LRCH3: variants seen among roughly 807,000 people sequenced by gnomAD.
LRCH3 encodes the protein leucine rich repeats and calponin homology domain containing 3.
LRCH3 carries 68 observed loss-of-function variants against 104.5 expected under a neutral mutation model. That is an observed-to-expected ratio of 0.65 (90% CI 0.54 to 0.80). The LOEUF (loss-of-function observed/expected upper bound fraction) is 0.80, where lower values mean the gene tolerates loss of function less well. LRCH3 is among the 30% of genes least tolerant of loss of function. The pLI is 0.00. For synonymous variants in LRCH3, 344 were observed against 361.3 expected (o/e 0.95, Z 0.54); for missense variants, 951 against 953.9 (o/e 1.00, Z 0.04).
Position 197,886,666 on chromosome 3 carries a change from G to C in LRCH3, c.*3000G>C, listed in dbSNP as rs1173488643. 1 of 152,050 alleles carries C rather than the reference G, an allele frequency of 6.6e-6. No homozygotes were observed. Among genetic ancestry groups the C allele is most frequent in the African/African-American group, 2.4e-5 (1 of 41,398 alleles). 9.4% of individuals were successfully genotyped at this position (152,050 alleles called of 1,614,324 possible). ...CTAAAAATACAAAAATTAGCTGGGC[G>C]TGGTGGTGGGCACCTGTAATCCCAG... On this transcript the variant is annotated 3_prime_UTR_variant, in exon 21 of 21. Transcript: ENST00000425562.
chr3:197,874,792 G>A (rs959768658), intron 19 of LRCH3, among the ~76,000 whole-genome samples: 3 of 152,202 alleles, frequency 2.0e-5, no homozygotes, highest in African/African-American at 7.2e-5. Flanking sequence ...AGTGTGGGGT[G>A]ACAAAGTACT....
At chr3:197,823,517 C>A in intron 4 of LRCH3, 1 of 151,976 alleles carries the variant, frequency 6.6e-6, no homozygotes, top group South Asian at 2.1e-4. Context: ...GAGATAGGGT[C>A]TCACTCTGTT....
intron 1 of LRCH3, 46 bp downstream of exon 1, chr3:197,791,586 G>C (rs755286230): frequency 2.7e-6 from 4 of 1,488,762 alleles, no homozygotes; most frequent in Non-Finnish European, 1.8e-6. Context: ...ACCCGGCGCC[G>C]GGAGCCGCCC....
chr3:197,882,810 T>C, intron 20 of LRCH3: 22 of 985,424 alleles, frequency 2.2e-5, no homozygotes, highest in Non-Finnish European at 2.5e-5. Flanking sequence ...AATCAACATG[T>C]TCCTGCCTAA....
In LRCH3 at chr3:197,826,912, C is replaced by G. The variant is rs1376402441; in HGVS notation, c.675C>G (p.Phe225Leu). ...AGTTGCCTTTGATACGGTTAGACTTCTCATGCAATAAAATTACCACAATCC... is the reference window on the plus strand; with the variant it reads ...AGTTGCCTTTGATACGGTTAGACTTGTCATGCAATAAAATTACCACAATCC... ...LAELPLIRLD[F>L]SCNKITTIPV... The change falls in exon 5 of 21, where the codon TTC becomes TTG. Residue 225 changes from phenylalanine (F) to leucine (L), a missense_variant. Physicochemically the swap from Phe to Leu is conservative, Grantham distance 22 (BLOSUM62 0). Coordinates refer to ENST00000425562, the MANE Select transcript of LRCH3 (RefSeq NM_001365715.1). The G allele has an allele frequency of 6.2e-7, 1 of 1,614,112 alleles. No individual in the cohort carries two copies.
At position 197,847,911 on chromosome 3, in the gene LRCH3, C is replaced by G. The variant is rs897983914; in HGVS notation, c.1420C>G (p.Gln474Glu). The G allele has an allele frequency of 1.9e-6, 3 of 1,613,998 alleles. No individual in the cohort carries two copies. The highest frequency in any genetic ancestry group is 2.5e-6 in the Non-Finnish European group (3 of 1,179,964). The stretch of plus-strand genomic sequence containing the variant: ...CCTGGAACTTCATCAGAGAAGGGAG[C>G]AGTTAGTAGAGCGCACTCGGAGAGA... ...TDLELHQRREQLVERTRREAQ... is the reference protein window; with the variant it reads ...TDLELHQRREELVERTRREAQ... The change falls in exon 12 of 21, where the codon CAG becomes GAG. Residue 474 changes from glutamine (Q) to glutamate (E), a missense_variant. Gln to Glu is a conservative substitution (Grantham distance 29, BLOSUM62 2). Coordinates refer to ENST00000425562, the MANE Select transcript of LRCH3 (RefSeq NM_001365715.1).
rs553009952 is a variant in LRCH3 at position 197,817,628 on chromosome 3, A to C, written c.534+326A>C. On this transcript the variant is annotated intron_variant, in intron 3 of 20. Coordinates refer to ENST00000425562, the MANE Select transcript of LRCH3 (RefSeq NM_001365715.1). ...ATATTAAATGATTTCTGTGTCATTA[A>C]ATTTTTGAGATATGTTAATATAATT... Among the ~76,000 whole-genome samples, 79 of 151,794 alleles carry C rather than the reference A, an allele frequency of 5.2e-4. 1 individual carries two copies. The highest frequency in any genetic ancestry group is 9.9e-4 in the Non-Finnish European group (67 of 67,942).
In LRCH3 at chr3:197,812,504, G is replaced by GTTTTTTTTTTTTTTTTTT. The variant is rs71623380; in HGVS notation, c.263-2395_263-2378dup. On this transcript the variant is annotated intron_variant, in intron 1 of 20. Coordinates refer to ENST00000425562, the MANE Select transcript of LRCH3 (RefSeq NM_001365715.1). ...ATATCTGTTCAAGTCTCTGCTTTCA[G>GTTTTTTTTTTTTTTTTTT]TTTTTTTTTTTTTTTTTTTTTTTTT... 7.1e-3 allele frequency among the ~76,000 whole-genome samples: 350 copies of GTTTTTTTTTTTTTTTTTT among 48,972 alleles called. 142 individuals are homozygous for GTTTTTTTTTTTTTTTTTT. Among genetic ancestry groups the GTTTTTTTTTTTTTTTTTT allele is most frequent in the Non-Finnish European group, 8.7e-3 (249 of 28,494 alleles). The allele number at this position is 48,972 out of a possible 152,430, so 32.1% of individuals were successfully genotyped here.
At chr3:197,819,797 C>G (rs1015154081) in intron 3 of LRCH3, among the ~76,000 whole-genome samples, 1 of 152,012 alleles carries the variant, frequency 6.6e-6, no homozygotes, top group Non-Finnish European at 1.5e-5. Flanking sequence ...AGTATTTTCT[C>G]TAAGGATACT....
At chr3:197,867,216 G>T (rs1022709254) in intron 17 of LRCH3, among the ~76,000 whole-genome samples, 1 of 152,134 alleles carries the variant, frequency 6.6e-6, no homozygotes, top group Non-Finnish European at 1.5e-5. Context: ...GGCAGAAGTT[G>T]CAGTGAGCCA....
chr3:197,820,658 A>G (rs1393397312), intron 4 of LRCH3, among the ~76,000 whole-genome samples: 1 of 152,236 alleles, frequency 6.6e-6, no homozygotes, highest in East Asian at 1.9e-4. Flanking sequence ...AAAATTAACA[A>G]ATTAGCCCAG....
chr3:197,824,857 A>C (rs371595916), intron 4 of LRCH3, among the ~76,000 whole-genome samples: 1 of 151,214 alleles, frequency 6.6e-6, no homozygotes. Context: ...GGCGTGAGCC[A>C]CTGCACCTGG....
chr3:197,845,217 T>G (rs997036795), intron 10 of LRCH3, among the ~76,000 whole-genome samples: 1 of 151,986 alleles, frequency 6.6e-6, no homozygotes, highest in African/African-American at 2.4e-5. Context: ...AAGACCAGCC[T>G]GGGCAACATG....
chr3:197,851,026 C>G, intron 12 of LRCH3: 1 of 759,696 alleles, frequency 1.3e-6, no homozygotes, highest in Non-Finnish European at 2.5e-6. Context: ...GAAACACGCT[C>G]AGAGAGAATA....
At chr3:197,830,567 A>G in intron 6 of LRCH3, 1 of 481,396 alleles carries the variant, frequency 2.1e-6, no homozygotes, top group Non-Finnish European at 3.7e-6. Context: ...GAAGCTGGAT[A>G]ATAATGAGTA....
At position 197,874,158 on chromosome 3, in the gene LRCH3, G is replaced by A. The variant is rs147677874; in HGVS notation, c.2131-1540G>A. Among the ~76,000 whole-genome samples the A allele has an allele frequency of 3.0e-4, 45 of 152,200 alleles. No homozygotes were observed. In the East Asian group the frequency reaches 8.1e-3, roughly 27 times the overall value. ...TTAGTGCAGGGGTCCCCAACCCCTG[G>A]GCCACAAATGGGTACCAGTCTGTGG... On this transcript the variant is annotated intron_variant, in intron 19 of 20. Transcript: ENST00000425562.
chr3:197,812,782 G>A (rs562980171), intron 1 of LRCH3, among the ~76,000 whole-genome samples: 3 of 151,904 alleles, frequency 2.0e-5, no homozygotes, highest in Non-Finnish European at 2.9e-5. Context: ...GGCTGGTCTC[G>A]AACTCCTGAC....
chr3:197,814,093 T>TC (rs1332079351), intron 1 of LRCH3, among the ~76,000 whole-genome samples: 1 of 152,214 alleles, frequency 6.6e-6, no homozygotes, highest in Non-Finnish European at 1.5e-5. Context: ...TTGCATTAGT[T>TC]CGTTTTCATG....
intron 4 of LRCH3, among the ~76,000 whole-genome samples, chr3:197,824,688 C>T (rs1389904906): frequency 4.6e-5 from 7 of 150,694 alleles, no homozygotes; most frequent in Non-Finnish European, 7.4e-5. Context: ...TTCTCTGCCT[C>T]AGCCTCCCAA....
Sources: gnomAD v4.1 joint callset for allele counts (sites outside exome capture counted in the v4.1 genomes callset) on GRCh38, gnomAD v4.1.1 for gene constraint, MANE v1.5 for transcripts, NCBI Gene and HGNC (gene_info 2026-07-23, HGNC 2026-07-21) for gene names.